Variants in CTNNA2 observed in about 807,000 individuals in gnomAD.
CTNNA2 encodes the protein catenin alpha 2.
CTNNA2 carries 42 observed loss-of-function variants against 101.0 expected under a neutral mutation model. The ratio of observed to expected loss-of-function variants is 0.42; its 90% CI spans 0.32 to 0.54. CTNNA2 has a LOEUF of 0.54. Among genes scored for constraint, CTNNA2 ranks in the 20% least tolerant of loss-of-function variants. The pLI, the probability that CTNNA2 is intolerant of heterozygous loss-of-function variation, is 0.14. For synonymous variants in CTNNA2, 450 were observed against 456.4 expected (o/e 0.99, Z 0.18); for missense variants, 871 against 1,223.1 (o/e 0.71, Z 4.29).
At chr2:80,022,964 T>C (rs915718837) in intron 7 of CTNNA2, among the ~76,000 whole-genome samples, 1 of 152,208 alleles carries the variant, frequency 6.6e-6, no homozygotes, top group Non-Finnish European at 1.5e-5. Context: ...ACAACTATGT[T>C]GTCTTGCTAA....
chr2:80,233,180 G>T (rs996913294), intron 7 of CTNNA2, among the ~76,000 whole-genome samples: 7 of 152,188 alleles, frequency 4.6e-5, no homozygotes, highest in African/African-American at 1.7e-4. Flanking sequence ...AAAATACAGA[G>T]TATCTTCTTT....
At chr2:79,967,915 A>T (rs538226853) in intron 7 of CTNNA2, among the ~76,000 whole-genome samples, 1 of 152,338 alleles carries the variant, frequency 6.6e-6, no homozygotes, top group East Asian at 1.9e-4. Context: ...ATGTGGATGA[A>T]CTCAAGAACA....
intron 3 of CTNNA2, among the ~76,000 whole-genome samples, chr2:79,855,478 C>T (rs866469453): frequency 1.3e-5 from 2 of 152,214 alleles, no homozygotes; most frequent in South Asian, 2.1e-4. Flanking sequence ...CAGAGCCCCT[C>T]GTTCTGGCAA....
chr2:80,375,765 G>C (rs892560774), intron 7 of CTNNA2, among the ~76,000 whole-genome samples: 16 of 151,818 alleles, frequency 1.1e-4, no homozygotes, highest in Non-Finnish European at 2.2e-4. Context: ...GGGTTTTACT[G>C]TGTTAGCCAG....
At chr2:79,786,629 G>C (rs573130443) in intron 3 of CTNNA2, among the ~76,000 whole-genome samples, 58 of 152,120 alleles carry the variant, frequency 3.8e-4, no homozygotes, top group Admixed American at 1.2e-3. Context: ...AAGAAATTCA[G>C]CTAAGATTTA....
At chr2:79,782,668 G>A (rs576488366) in intron 3 of CTNNA2, among the ~76,000 whole-genome samples, 25 of 152,286 alleles carry the variant, frequency 1.6e-4, no homozygotes, top group African/African-American at 5.5e-4. Flanking sequence ...GCTTGGGCAG[G>A]ATGCCTAAGT....
intron 3 of CTNNA2, among the ~76,000 whole-genome samples, chr2:79,315,617 C>T (rs1676479207): frequency 6.6e-6 from 1 of 152,020 alleles, no homozygotes; most frequent in Admixed American, 6.6e-5. Flanking sequence ...TCTTTTATGT[C>T]TTTTATGGAT....
At chr2:80,076,260 T>C (rs1460427991) in intron 7 of CTNNA2, among the ~76,000 whole-genome samples, 1 of 151,614 alleles carries the variant, frequency 6.6e-6, no homozygotes, top group African/African-American at 2.4e-5. Context: ...ACCTACAGAC[T>C]TTTTGCATCA....
At chr2:79,748,504 T>C (rs1050598803) in intron 3 of CTNNA2, among the ~76,000 whole-genome samples, 1 of 152,168 alleles carries the variant, frequency 6.6e-6, no homozygotes, top group Non-Finnish European at 1.5e-5. Context: ...TGCATTGTTT[T>C]TGTTTTTATT....
intron 2 of CTNNA2, among the ~76,000 whole-genome samples, chr2:79,724,554 G>A (rs1037242855): frequency 2.0e-5 from 3 of 151,998 alleles, no homozygotes; most frequent in Non-Finnish European, 2.9e-5. Context: ...GGTGGCTCAC[G>A]CCTGTAACCC....
intron 7 of CTNNA2, among the ~76,000 whole-genome samples, chr2:80,136,325 T>G (rs115053286): frequency 0.01 from 1,560 of 152,320 alleles, 34 homozygotes; most frequent in African/African-American, 0.035. Flanking sequence ...CCTTAGCATC[T>G]GATTTGTAAA....
chr2:80,563,896 T>A (rs1251608371), intron 12 of CTNNA2, among the ~76,000 whole-genome samples: 1 of 152,160 alleles, frequency 6.6e-6, no homozygotes, highest in African/African-American at 2.4e-5. Context: ...TGTCCTAGTG[T>A]TTATATCTGT....
chr2:80,457,776 G>A lies in CTNNA2; in HGVS notation c.1290+38175G>A, dbSNP rs12475016. 8.5e-3 allele frequency among the ~76,000 whole-genome samples: 1,290 copies of A among 151,964 alleles called. 38 individuals carry two copies. Among genetic ancestry groups the A allele is most frequent in the Admixed American group, 0.055 (837 of 15,252 alleles). Reference sequence around the variant, plus strand: ...TCTAAAATTTATTTTATTCTTTCAGGGATTTTAATGCTCCTCCTCCTTGTT... The same window carrying A: ...TCTAAAATTTATTTTATTCTTTCAGAGATTTTAATGCTCCTCCTCCTTGTT... On this transcript the variant is annotated intron_variant, in intron 9 of 18. Transcript: ENST00000402739.
chr2:80,228,720 G>C (rs1709031603), intron 7 of CTNNA2, among the ~76,000 whole-genome samples: 1 of 152,162 alleles, frequency 6.6e-6, no homozygotes, highest in South Asian at 2.1e-4. Flanking sequence ...ATTGTTCAGT[G>C]CACATTGAGG....
intron 2 of CTNNA2, among the ~76,000 whole-genome samples, chr2:79,711,792 A>T (rs941484041): frequency 3.3e-5 from 5 of 152,044 alleles, no homozygotes; most frequent in Non-Finnish European, 7.4e-5. Context: ...TGTTGTGGGG[A>T]GCAGCTACAG....
chr2:79,563,109 C>T (rs1264730205), intron 1 of CTNNA2, among the ~76,000 whole-genome samples: 1 of 148,136 alleles, frequency 6.8e-6, no homozygotes, highest in African/African-American at 2.5e-5. Context: ...GTTTTACAGA[C>T]AATATTTTGT....
chr2:79,975,407 A>G (rs907339728), intron 7 of CTNNA2, among the ~76,000 whole-genome samples: 4 of 152,138 alleles, frequency 2.6e-5, no homozygotes, highest in African/African-American at 9.7e-5. Flanking sequence ...GTTTCCCCCC[A>G]CACACTAAGA....
chr2:80,089,590 T>C (rs1462011406), intron 7 of CTNNA2, among the ~76,000 whole-genome samples: 1 of 151,836 alleles, frequency 6.6e-6, no homozygotes, highest in African/African-American at 2.4e-5. Flanking sequence ...AACAACAAAA[T>C]GCAAAAAAAA....
At chr2:80,123,956 C>G (rs1023171126) in intron 7 of CTNNA2, among the ~76,000 whole-genome samples, 2 of 152,092 alleles carry the variant, frequency 1.3e-5, no homozygotes, top group African/African-American at 4.8e-5. Flanking sequence ...CCTGACCAAG[C>G]CCCCAGCACA....
Sources: gnomAD v4.1 joint callset for allele counts (sites outside exome capture counted in the v4.1 genomes callset) on GRCh38, gnomAD v4.1.1 for gene constraint, MANE v1.5 for transcripts, NCBI Gene and HGNC (gene_info 2026-07-23, HGNC 2026-07-21) for gene names.